Variants in HOXB2 observed in about 807,000 individuals in gnomAD.
HOXB2 encodes the protein homeobox protein Hox-B2.
HOXB2 carries 14 observed loss-of-function variants against 13.1 expected under a neutral mutation model. The observed-to-expected ratio is 1.07, with a 90% CI of 0.71 to 1.67. The LOEUF (loss-of-function observed/expected upper bound fraction) is 1.67. Ranked by LOEUF, HOXB2 falls within the 40% of genes most tolerant of loss-of-function variation. The pLI, the probability that HOXB2 is intolerant of heterozygous loss-of-function variation, is 0.00. For synonymous variants in HOXB2, 261 were observed against 233.1 expected, an observed-to-expected ratio of 1.12 and a Z score of -1.09; for missense variants, 582 against 488.3, an observed-to-expected ratio of 1.19 and a Z score of -1.81.
intron 1 of HOXB2, chr17:48,544,033 AG>A (rs1222508162): frequency 1.6e-6 from 2 of 1,222,194 alleles, no homozygotes; most frequent in Non-Finnish European, 2.0e-6. Context: ...CCCCCTCCCA[AG>A]CCCTCCCAGT....
In HOXB2 at chr17:48,544,923, GTGGGGGAGGGGGCTGC is replaced by G; in HGVS notation, c.-28_-13del. The stretch of plus-strand genomic sequence containing the variant: ...AATTCAAAATTCATGGCTTTCAATG[GTGGGGGAGGGGGCTGC>G]TGGGGGGGGCGTCAGGAGGGAGGAT... On this transcript the variant is annotated 5_prime_UTR_variant, in exon 1 of 2. Transcript: ENST00000330070. 1 of 1,547,504 alleles carries G rather than the reference GTGGGGGAGGGGGCTGC, an allele frequency of 6.5e-7. No homozygotes were observed. The highest frequency in any genetic ancestry group is 8.8e-7 in the Non-Finnish European group (1 of 1,135,214).
rs745977725 is a variant in HOXB2 at position 48,544,649 on chromosome 17, G to T, written c.263C>A (p.Ala88Asp). The T allele has an allele frequency of 6.2e-7, 1 of 1,611,674 alleles. No individual in the cohort carries two copies. The highest frequency in any genetic ancestry group is 1.1e-5 in the South Asian group (1 of 90,998). ...AGGGAACTCGGGGGCCGGGGGGGCA[G>T]CGGGGAGTGGCGGCGGCGGTGGCGG... The part of the protein sequence containing the change: ...LPPPPPPPLP[A>D]APPAPEFPWM... The change falls in exon 1 of 2, where the codon GCT becomes GAT. Residue 88 changes from alanine (A) to aspartate (D), a missense_variant. By Grantham distance (126) the Ala-to-Asp change is moderately radical. Transcript: ENST00000330070.
At position 48,544,977 on chromosome 17, in the gene HOXB2, C is replaced by CT; in HGVS notation, c.-67_-66insA. 1 of 1,254,964 alleles carries CT rather than the reference C, an allele frequency of 8.0e-7. No individual in the cohort carries two copies. Among genetic ancestry groups the CT allele is most frequent in the South Asian group, 1.6e-5 (1 of 64,154 alleles). The allele number at this position is 1,254,964 out of a possible 1,614,324, so 77.7% of individuals were successfully genotyped here. ...CAGGAGGGAGGATCGGAAGGGACCC[C>CT]CCTCCTGCACCCCCCCCGATTTATG... is the stretch of plus-strand genomic sequence containing the variant. On this transcript the variant is annotated 5_prime_UTR_variant, in exon 1 of 2. Transcript: ENST00000330070.
Position 48,544,906 on chromosome 17 carries a change from A to T in HOXB2, c.6T>A (p.Asn2Lys), listed in dbSNP as rs2068553797. M[N>K]FEFEREIGFI... is the part of the protein sequence containing the mutation. The stretch of plus-strand genomic sequence containing the variant: ...ACCCAATCTCCCTCTCAAATTCAAA[A>T]TTCATGGCTTTCAATGGTGGGGGAG... Residue 2 changes from asparagine (N) to lysine (K), a missense_variant, in exon 1 of 2, where the codon AAT becomes AAA. Asn to Lys is a moderately conservative substitution (Grantham distance 94, BLOSUM62 0). Transcript: ENST00000330070. 2 of 850,702 alleles carry T rather than the reference A, an allele frequency of 2.4e-6. No individual in the cohort carries two copies. The highest frequency in any genetic ancestry group is 1.8e-6 in the Non-Finnish European group (1 of 568,676). The allele number at this position is 850,702 out of a possible 1,614,324, so 52.7% of individuals were successfully genotyped here.
rs968984639 is a variant in HOXB2, at chr17:48,544,669, T to TGGCGGC, written c.237_242dup (p.Pro84_Pro85dup). 1.2e-6 allele frequency: 2 copies of TGGCGGC among 1,607,690 alleles called. No homozygotes were observed. Among genetic ancestry groups the TGGCGGC allele is most frequent in the African/African-American group, 1.3e-5 (1 of 74,704 alleles). ...GGGCAGCGGGGAGTGGCGGCGGCGG[T>TGGCGGC]GGCGGCGGCAGAGCAGGCCCATCTT... On this transcript the variant is annotated inframe_insertion, in exon 1 of 2. Transcript: ENST00000330070.
At chr17:48,543,779 G>T in intron 1 of HOXB2, 32 bp from the exon 2 acceptor site, 2 of 1,557,702 alleles carry the variant, frequency 1.3e-6, no homozygotes, top group Non-Finnish European at 1.7e-6. Context: ...CGTCATAGCG[G>T]GCCGTGTACT....
In HOXB2 at chr17:48,543,278, G is replaced by C. The variant is rs1211401251; in HGVS notation, c.861C>G (p.Pro287=). The change falls in exon 2 of 2, where the codon CCC becomes CCG. Residue 287 remains proline, a synonymous_variant. Transcript: ENST00000330070. ...AGAAGACGTCTTCTGGCAATGGCCC[G>C]GGCTCCAGCCCGCCGGCCCCGCGCA... The part of the protein sequence containing the change: ...CALRGAGGLE[P]GPLPEDVFSG... 1 of 1,605,180 alleles carries C rather than the reference G, an allele frequency of 6.2e-7. No homozygotes were observed. Among genetic ancestry groups the C allele is most frequent in the African/African-American group, 1.3e-5 (1 of 74,766 alleles).
chr17:48,543,959 C>A, intron 1 of HOXB2: 1 of 1,318,538 alleles, frequency 7.6e-7, no homozygotes, highest in Non-Finnish European at 9.6e-7. Context: ...GCAAAGCATT[C>A]AGAGCCGCCC....
intron 1 of HOXB2, chr17:48,544,136 C>T: frequency 4.1e-6 from 4 of 985,376 alleles, no homozygotes; most frequent in Non-Finnish European, 4.8e-6. Flanking sequence ...CTGAATTCTT[C>T]CTCTTCTCCT....
At position 48,544,420 on chromosome 17, in the gene HOXB2, AC is replaced by A. The variant is rs1007802861; in HGVS notation, c.391+100del. ...ATCCCAGGAATGGAGGGGGTAAGGA[AC>A]CCCAACAGGCTCGCCACCATTTTTT... On this transcript the variant is annotated intron_variant, in intron 1 of 1. Transcript: ENST00000330070. 1.9e-5 allele frequency: 27 copies of A among 1,458,090 alleles called. No homozygotes were observed. The African/African-American group carries it at 3.5e-4, about 19-fold the overall frequency. The allele number at this position is 1,458,090 out of a possible 1,614,324, so 90.3% of individuals were successfully genotyped here.
At position 48,543,514 on chromosome 17, in the gene HOXB2, C is replaced by A; in HGVS notation, c.625G>T (p.Asp209Tyr). 6.2e-7 allele frequency: 1 copy of A among 1,612,818 alleles called. No homozygotes were observed. The highest frequency in any genetic ancestry group is 8.5e-7 in the Non-Finnish European group (1 of 1,179,938). Residue 209 changes from aspartate to tyrosine, a missense_variant, in exon 2 of 2, where the codon GAT becomes TAT. Physicochemically the swap from Asp to Tyr is radical, Grantham distance 160. Transcript: ENST00000330070. ...KRQTQHREPP[D>Y]GEPACPGALE... ...GCTCCCGGGCAGGCAGGCTCCCCAT[C>A]CGGCGGCTCTCGGTGCTGCGTCTGC...
At chr17:48,544,306 A>T (rs11650389) in intron 1 of HOXB2, 26,028 of 1,396,922 alleles carry the variant, frequency 0.019, 410 homozygotes, top group African/African-American at 0.078. Context: ...AAAATCAGCC[A>T]TAGGGAGAGA....
rs1017811416 is a variant in HOXB2, at chr17:48,544,137, C to T, written c.391+384G>A. Reference sequence around the variant, plus strand: ...CTTCCTCCCTAGCTCTGAATTCTTCCTCTTCTCCTAGAGTTGGGGCAGAAA... The same window carrying T: ...CTTCCTCCCTAGCTCTGAATTCTTCTTCTTCTCCTAGAGTTGGGGCAGAAA... On this transcript the variant is annotated intron_variant, in intron 1 of 1. Transcript: ENST00000330070. The T allele has an allele frequency of 5.1e-6, 5 of 985,260 alleles. No individual in the cohort carries two copies. In the East Asian group the frequency reaches 4.5e-4, roughly 89 times the overall value. The allele number at this position is 985,260 out of a possible 1,614,324, so 61.0% of individuals were successfully genotyped here. A position where few individuals can be genotyped will look rare whatever the true frequency, so the allele number is the denominator to read the frequency against.
chr17:48,544,940 T>TGGGGGGGGGGGGGGGGGGGGGGGG lies in HOXB2; in HGVS notation c.-30_-29insCCCCCCCCCCCCCCCCCCCCCCCC. The TGGGGGGGGGGGGGGGGGGGGGGGG allele has an allele frequency of 3.7e-6, 1 of 271,686 alleles. No individual in the cohort carries two copies. The highest frequency in any genetic ancestry group is 5.9e-6 in the Non-Finnish European group (1 of 170,486). The allele number at this position is 271,686 out of a possible 1,614,324, so 16.8% of individuals were successfully genotyped here. A position where few individuals can be genotyped will look rare whatever the true frequency, so the allele number is the denominator to read the frequency against. On this transcript the variant is annotated 5_prime_UTR_variant, in exon 1 of 2. Coordinates refer to ENST00000330070, the MANE Select transcript of HOXB2 (RefSeq NM_002145.4). ...TTTCAATGGTGGGGGAGGGGGCTGC[T>TGGGGGGGGGGGGGGGGGGGGGGGG]GGGGGGGGCGTCAGGAGGGAGGATC...
rs773868726 is a variant in HOXB2, at chr17:48,543,577, T to A, written c.562A>T (p.Lys188Ter). 1 of 1,613,360 alleles carries A rather than the reference T, an allele frequency of 6.2e-7. No homozygotes were observed. The highest frequency in any genetic ancestry group is 1.7e-5 in the Admixed American group (1 of 60,036). ...ALLDLTERQV[K>*]VWFQNRRMKH... ...ATGCGCCGGTTCTGAAACCAGACTT[T>A]GACCTGCCTTTCGGTGAGGTCCAGC... is the stretch of plus-strand genomic sequence containing the variant. Residue 188 changes from lysine (K) to a stop codon, truncating the protein, a stop_gained, in exon 2 of 2, where the codon AAA (lysine) becomes TAA (stop). Transcript: ENST00000330070. LOFTEE classifies it low-confidence loss of function (END_TRUNC).
chr17:48,543,789 T>C (rs2068532930), intron 1 of HOXB2, 42 bp from the exon 2 acceptor site: 1 of 1,544,692 alleles, frequency 6.5e-7, no homozygotes, highest in Non-Finnish European at 8.7e-7. Context: ...GGCCGTGTAC[T>C]CAGCCCAACC....
At position 48,543,215 on chromosome 17, in the gene HOXB2, G is replaced by C; in HGVS notation, c.924C>G (p.Asn308Lys). Residue 308 changes from asparagine to lysine, a missense_variant, in exon 2 of 2, where the codon AAC becomes AAG. Physicochemically the swap from Asn to Lys is moderately conservative, Grantham distance 94. Transcript: ENST00000330070. The part of the protein sequence containing the change: ...RQDSPFLPDL[N>K]FFAADSCLQL... ...GGAGACAGGAGTCGGCCGCGAAGAA[G>C]TTGAGGTCGGGAAGGAAAGGTGAAT... 6.2e-7 allele frequency: 1 copy of C among 1,613,746 alleles called. No individual in the cohort carries two copies. Among genetic ancestry groups the C allele is most frequent in the East Asian group, 2.2e-5 (1 of 44,864 alleles).
chr17:48,543,852 G>GGCGGGGCGCCC, intron 1 of HOXB2, 105 bp from the exon 2 acceptor site: 1 of 1,314,126 alleles, frequency 7.6e-7, no homozygotes, highest in Non-Finnish European at 1.0e-6. Context: ...CCCCTTCCTC[G>GGCGGGGCGCCC]CCACCCCACC....
In HOXB2 at chr17:48,544,461, A is replaced by G. The variant is rs951131084; in HGVS notation, c.391+60T>C. On this transcript the variant is annotated intron_variant, in intron 1 of 1. Transcript: ENST00000330070. The stretch of plus-strand genomic sequence containing the variant: ...CACCATTTTTTTTAAACCTCCTTCC[A>G]CTGCTTTTTCTCCCCCTCTTCTAGC... 3.3e-6 allele frequency: 5 copies of G among 1,513,994 alleles called. No individual in the cohort carries two copies. The South Asian group carries it at 6.4e-5, about 19-fold the overall frequency. The allele number at this position is 1,513,994 out of a possible 1,614,324, so 93.8% of individuals were successfully genotyped here. A position where few individuals can be genotyped will look rare whatever the true frequency, so the allele number is the denominator to read the frequency against.
Sources: allele counts gnomAD v4.1 joint callset, GRCh38; gene constraint gnomAD v4.1.1; transcripts MANE v1.5; gene names NCBI Gene and HGNC (gene_info 2026-07-23, HGNC 2026-07-21).